The following TOX2 variants were observed in gnomAD, a reference collection of about 807,000 sequenced individuals.
The protein encoded by TOX2 is granulosa cell HMG box 1.
TOX2 carries 15 observed loss-of-function variants against 47.4 expected under a neutral mutation model. The ratio of observed to expected loss-of-function variants is 0.32; its 90% CI spans 0.21 to 0.49. The LOEUF (loss-of-function observed/expected upper bound fraction) is 0.49, where lower values mean the gene tolerates loss of function less well. TOX2 is among the 20% of genes least tolerant of loss of function. The pLI is 0.99. For synonymous variants in TOX2, 290 were observed against 296.6 expected, an observed-to-expected ratio of 0.98 and a Z score of 0.23; for missense variants, 622 against 673.1, an observed-to-expected ratio of 0.92 and a Z score of 0.84.
At chr20:44,019,619 G>A (rs2070945415) in intron 3 of TOX2, among the ~76,000 whole-genome samples, 1 of 152,248 alleles carries the variant, frequency 6.6e-6, no homozygotes, top group Non-Finnish European at 1.5e-5. Flanking sequence ...CAGGTGAGTA[G>A]TCAGAACCTG....
chr20:43,918,166 G>A (rs1005662549), intron 1 of TOX2, among the ~76,000 whole-genome samples: 1 of 152,150 alleles, frequency 6.6e-6, no homozygotes, highest in Non-Finnish European at 1.5e-5. Flanking sequence ...ATTTTGGCAA[G>A]GCATCTTACC....
At chr20:43,934,986 C>T (rs939937913) in intron 1 of TOX2, among the ~76,000 whole-genome samples, 1 of 152,144 alleles carries the variant, frequency 6.6e-6, no homozygotes, top group African/African-American at 2.4e-5. Flanking sequence ...TCCCTGGAAT[C>T]ATGCTCTGTC....
chr20:43,972,901 G>T (rs1006394638), intron 1 of TOX2, among the ~76,000 whole-genome samples: 1 of 152,238 alleles, frequency 6.6e-6, no homozygotes, highest in Non-Finnish European at 1.5e-5. Context: ...ACTCAGGATG[G>T]CAGGACCCGG....
Position 44,065,700 on chromosome 20 carries a change from G to T in TOX2, c.961-12G>T. 2 of 1,564,328 alleles carry T rather than the reference G, an allele frequency of 1.3e-6. No homozygotes were observed. Among genetic ancestry groups the T allele is most frequent in the African/African-American group, 1.3e-5 (1 of 74,224 alleles). On this transcript the variant is annotated splice_polypyrimidine_tract_variant and intron_variant, in intron 6 of 8. Transcript: ENST00000341197. Reference sequence around the variant, plus strand: ...TTCTGTTCTCCAGTGACTGATATCTGTCTCCTTCCAGAGCTCCCCAGATCA... The same window carrying T: ...TTCTGTTCTCCAGTGACTGATATCTTTCTCCTTCCAGAGCTCCCCAGATCA...
intron 1 of TOX2, among the ~76,000 whole-genome samples, chr20:43,962,234 A>C (rs530826998): frequency 1.5e-4 from 23 of 152,126 alleles, no homozygotes; most frequent in African/African-American, 5.1e-4. Flanking sequence ...CCTCCATGCT[A>C]TCTATGTTAG....
intron 2 of TOX2, among the ~76,000 whole-genome samples, chr20:43,977,408 G>A (rs1251677668): frequency 6.6e-6 from 1 of 152,106 alleles, no homozygotes; most frequent in Non-Finnish European, 1.5e-5. Flanking sequence ...ACTATGTCTG[G>A]CCCAGAACAT....
intron 2 of TOX2, among the ~76,000 whole-genome samples, chr20:43,976,787 C>CACACAT (rs2070086817): frequency 6.7e-6 from 1 of 148,956 alleles, no homozygotes; most frequent in South Asian, 2.1e-4. Context: ...CGCGCGCACA[C>CACACAT]ACACACACAC....
intron 1 of TOX2, among the ~76,000 whole-genome samples, chr20:43,939,082 C>T (rs1026127240): frequency 6.6e-6 from 1 of 152,148 alleles, no homozygotes; most frequent in Admixed American, 6.5e-5. Context: ...GCTTGGGTAA[C>T]CCCCTTGTCT....
intron 3 of TOX2, among the ~76,000 whole-genome samples, chr20:44,024,667 A>G (rs866486488): frequency 1.1e-4 from 17 of 152,198 alleles, no homozygotes; most frequent in African/African-American, 4.1e-4. Context: ...TTAAACCAAC[A>G]AATACAAAGA....
rs112908609 is a variant in TOX2 at position 44,042,013 on chromosome 20, T to C, written c.412-9293T>C. On this transcript the variant is annotated intron_variant, in intron 3 of 8. Coordinates refer to ENST00000341197, the MANE Select transcript of TOX2 (RefSeq NM_001098797.2). ...ATTGCTTTCAGGTAAAACATGTGTATTAGTCTGTTCTCATGCTGCTAATAA... is the reference window on the plus strand; with the variant it reads ...ATTGCTTTCAGGTAAAACATGTGTACTAGTCTGTTCTCATGCTGCTAATAA... Among the ~76,000 whole-genome samples the C allele has an allele frequency of 4.1e-3, 630 of 152,362 alleles. 3 individuals carry two copies. Among genetic ancestry groups the C allele is most frequent in the African/African-American group, 0.014 (594 of 41,590 alleles).
chr20:43,942,968 G>A (rs972215900), intron 1 of TOX2, among the ~76,000 whole-genome samples: 1 of 152,194 alleles, frequency 6.6e-6, no homozygotes, highest in Non-Finnish European at 1.5e-5. Context: ...GAGCAGAGGG[G>A]CCACAGCGAT....
At chr20:44,013,831 T>A (rs2070825246) in intron 3 of TOX2, among the ~76,000 whole-genome samples, 1 of 152,076 alleles carries the variant, frequency 6.6e-6, no homozygotes, top group African/African-American at 2.4e-5. Flanking sequence ...TATCTCGTGA[T>A]GAGAGGTGTA....
intron 1 of TOX2, among the ~76,000 whole-genome samples, chr20:43,947,832 G>T (rs567319752): frequency 1.3e-5 from 2 of 152,160 alleles, no homozygotes; most frequent in Admixed American, 6.5e-5. Context: ...GCTACCTGAC[G>T]ACCTGTTTGC....
intron 8 of TOX2, 61 bp downstream of exon 8, chr20:44,066,918 C>T (rs2071834280): frequency 1.3e-6 from 2 of 1,568,108 alleles, no homozygotes; most frequent in African/African-American, 1.3e-5. Context: ...AACAGGATGG[C>T]CAGGGATGGG....
intron 3 of TOX2, among the ~76,000 whole-genome samples, chr20:44,018,746 C>T (rs1034362795): frequency 4.6e-5 from 7 of 152,242 alleles, no homozygotes; most frequent in East Asian, 1.9e-4. Flanking sequence ...GAGAGAGTGT[C>T]GGGGGACTAT....
Position 44,053,587 on chromosome 20 carries a change from TATATACACACACATATATATAC to T in TOX2, c.652-698_652-677del, listed in dbSNP as rs969336194. 4.5e-4 allele frequency among the ~76,000 whole-genome samples: 54 copies of T among 119,118 alleles called. 1 individual carries two copies. The highest frequency in any genetic ancestry group is 1.5e-3 in the East Asian group (6 of 4,106). 78.1% of individuals were successfully genotyped at this position (119,118 alleles called of 152,430 possible). ...TATATACACACACATATATATACTA[TATATACACACACATATATATAC>T]ATATACACACACACACACACGTATA... is the stretch of plus-strand genomic sequence containing the variant. On this transcript the variant is annotated intron_variant, in intron 4 of 8. Coordinates refer to ENST00000341197, the MANE Select transcript of TOX2 (RefSeq NM_001098797.2).
At position 44,020,039 on chromosome 20, in the gene TOX2, T is replaced by C. The variant is rs778378725; in HGVS notation, c.411+13247T>C. ...AAGGTCAGGCAGCATCAGCTGCACA[T>C]GTAACCAGCTGTGCGACCTCAGCCA... On this transcript the variant is annotated intron_variant, in intron 3 of 8. Coordinates refer to ENST00000341197, the MANE Select transcript of TOX2 (RefSeq NM_001098797.2). Among the ~76,000 whole-genome samples the C allele has an allele frequency of 1.0e-3, 154 of 152,342 alleles. 1 individual carries two copies. The highest frequency in any genetic ancestry group is 1.9e-3 in the Non-Finnish European group (130 of 68,022).
At position 44,051,557 on chromosome 20, in the gene TOX2, G is replaced by A. The variant is rs2071512209; in HGVS notation, c.651+12G>A. 1.3e-6 allele frequency: 2 copies of A among 1,561,664 alleles called. No homozygotes were observed. Among genetic ancestry groups the A allele is most frequent in the Admixed American group, 3.6e-5 (2 of 56,116 alleles). On this transcript the variant is annotated intron_variant, in intron 4 of 8. Coordinates refer to ENST00000341197, the MANE Select transcript of TOX2 (RefSeq NM_001098797.2). ...AAGTGCATTTCAAGGTATGTGCGGT[G>A]GAGGAACAGAGCCTGAAGCTGCCCT...
chr20:44,066,717 T>TC lies in TOX2; in HGVS notation c.1357-10dup, dbSNP rs2071828902. On this transcript the variant is annotated splice_polypyrimidine_tract_variant and intron_variant, in intron 7 of 8. Coordinates refer to ENST00000341197, the MANE Select transcript of TOX2 (RefSeq NM_001098797.2). ...TCTCCTTGGCTCATGGCCTCCTCCT[T>TC]CCCACTCTGTAGGACTTCCCGCACA... 1.2e-6 allele frequency: 2 copies of TC among 1,614,064 alleles called. No individual in the cohort carries two copies. The highest frequency in any genetic ancestry group is 1.7e-4 in the Middle Eastern group (1 of 6,060).
Sources: gnomAD v4.1 joint callset for allele counts (sites outside exome capture counted in the v4.1 genomes callset) on GRCh38, gnomAD v4.1.1 for gene constraint, MANE v1.5 for transcripts, NCBI Gene and HGNC (gene_info 2026-07-23, HGNC 2026-07-21) for gene names.